ZNF260: variants seen among roughly 807,000 people sequenced by gnomAD.
ZNF260 encodes zinc finger protein 260, also known as zfp-260.
ZNF260 carries 21 observed loss-of-function variants against 29.3 expected under a neutral mutation model. That is an observed-to-expected ratio of 0.72 (90% confidence interval 0.51 to 1.03). ZNF260 has a LOEUF of 1.03. ZNF260 is among the 50% of genes least tolerant of loss of function. The pLI is 0.00. For missense variants in ZNF260, 465 were observed against 487.8 expected, an observed-to-expected ratio of 0.95 and a Z score of 0.44; for synonymous variants, 156 against 156.8, an observed-to-expected ratio of 0.99 and a Z score of 0.04.
intron 2 of ZNF260, among the ~76,000 whole-genome samples, chr19:36,524,517 G>GTTTTTTTTATTTTTTTTTTTTTTTTTTT (rs2034697984): frequency 1.1e-5 from 1 of 90,972 alleles, no homozygotes; most frequent in African/African-American, 4.0e-5. Context: ...TTACATGCTA[G>GTTTTTTTTATTTTTTTTTTTTTTTTTTT]TTTTTTTTTT....
intron 2 of ZNF260, among the ~76,000 whole-genome samples, chr19:36,519,350 T>C (rs1293543225): frequency 6.6e-6 from 1 of 152,200 alleles, no homozygotes. Flanking sequence ...TACAGTGTTA[T>C]AGTTACGTAA....
At chr19:36,524,436 C>T (rs1254843093) in intron 2 of ZNF260, among the ~76,000 whole-genome samples, 1 of 151,872 alleles carries the variant, frequency 6.6e-6, no homozygotes, top group Admixed American at 6.6e-5. Context: ...GCCTCGGCCT[C>T]CCAAAGTGCT....
Position 36,512,710 on chromosome 19 carries a change from T to A in ZNF260, c.*1290A>T, listed in dbSNP as rs552401399. 1 of 152,208 alleles carries A rather than the reference T, an allele frequency of 6.6e-6. No homozygotes were observed. Among genetic ancestry groups the A allele is most frequent in the Non-Finnish European group, 1.5e-5 (1 of 68,020 alleles). The allele number at this position is 152,208 out of a possible 1,614,324, so 9.4% of individuals were successfully genotyped here. A position where few individuals can be genotyped will look rare whatever the true frequency, so the allele number is the denominator to read the frequency against. ...TTTCTTCACTCTAATTTTTTAAAAA[T>A]ATTTCTGTTAATATATAGACTTAAT... On this transcript the variant is annotated 3_prime_UTR_variant, in exon 3 of 3. Coordinates refer to ENST00000523638, the MANE Select transcript of ZNF260 (RefSeq NM_001166037.2).
At chr19:36,524,975 C>G (rs1332356477) in intron 2 of ZNF260, 180 bp downstream of exon 2, 1 of 152,072 alleles carries the variant, frequency 6.6e-6, no homozygotes, top group Admixed American at 6.6e-5. Flanking sequence ...GGAAGACAGT[C>G]TGGAAATGTC....
At chr19:36,516,473 C>T (rs2034551774) in intron 2 of ZNF260, among the ~76,000 whole-genome samples, 1 of 152,146 alleles carries the variant, frequency 6.6e-6, no homozygotes, top group Non-Finnish European at 1.5e-5. Context: ...GCCTGTAGTC[C>T]TAGCTACTGA....
intron 2 of ZNF260, among the ~76,000 whole-genome samples, chr19:36,520,859 C>CAAA (rs35180207): frequency 0.011 from 742 of 65,882 alleles, 10 homozygotes; most frequent in South Asian, 0.034. Flanking sequence ...GATTCCGTCT[C>CAAA]AAAAAAAAAA....
At chr19:36,526,776 G>A (rs2034743106) in intron 1 of ZNF260, among the ~76,000 whole-genome samples, 1 of 152,100 alleles carries the variant, frequency 6.6e-6, no homozygotes, top group South Asian at 2.1e-4. Flanking sequence ...TGTTGAATCC[G>A]TGGAAGCAGA....
chr19:36,524,443 T>C (rs1467955780), intron 2 of ZNF260, among the ~76,000 whole-genome samples: 1 of 151,534 alleles, frequency 6.6e-6, no homozygotes, highest in Non-Finnish European at 1.5e-5. Context: ...CCTCCCAAAG[T>C]GCTGGGATTA....
intron 2 of ZNF260, among the ~76,000 whole-genome samples, chr19:36,521,707 T>C (rs542713610): frequency 2.0e-5 from 3 of 151,606 alleles, no homozygotes; most frequent in African/African-American, 7.3e-5. Context: ...TGAGCCAAGA[T>C]TGTGCCACTG....
intron 2 of ZNF260, among the ~76,000 whole-genome samples, chr19:36,519,921 C>T (rs8111881): frequency 0.2 from 29,829 of 151,642 alleles, 3,028 homozygotes; most frequent in Middle Eastern, 0.25. Context: ...AAAAACAGAC[C>T]GGGTGTGGTG....
intron 2 of ZNF260, among the ~76,000 whole-genome samples, chr19:36,524,176 TTTA>T (rs781098330): frequency 1.2e-4 from 18 of 151,976 alleles, no homozygotes; most frequent in Non-Finnish European, 2.5e-4. Flanking sequence ...ATTTATTTTA[TTTA>T]TTATTATTAT....
At chr19:36,523,663 C>T (rs1286112435) in intron 2 of ZNF260, among the ~76,000 whole-genome samples, 11 of 150,854 alleles carry the variant, frequency 7.3e-5, no homozygotes, top group Admixed American at 5.3e-4. Context: ...CTGCAACCTC[C>T]GCCTCCCAGG....
At position 36,515,266 on chromosome 19, in the gene ZNF260, C is replaced by T. The variant is rs1350024995; in HGVS notation, c.-28G>A. The T allele has an allele frequency of 6.6e-7, 1 of 1,509,694 alleles. No homozygotes were observed. Among genetic ancestry groups the T allele is most frequent in the East Asian group, 2.3e-5 (1 of 43,814 alleles). 93.5% of individuals were successfully genotyped at this position (1,509,694 alleles called of 1,614,324 possible). A position where few individuals can be genotyped will look rare whatever the true frequency, so the allele number is the denominator to read the frequency against. ...ATGTGAATTTAATCAGGAGATTTCC[C>T]TAGTATCAAATAAGATGTAATAAGG... is the stretch of plus-strand genomic sequence containing the variant. On this transcript the variant is annotated 5_prime_UTR_variant, in exon 3 of 3. Transcript: ENST00000523638.
rs1439235905 is a variant in ZNF260 at position 36,515,275 on chromosome 19, A to G, written c.-37T>C. On this transcript the variant is annotated 5_prime_UTR_variant, in exon 3 of 3. Transcript: ENST00000523638. ...TAATCAGGAGATTTCCCTAGTATCA[A>G]ATAAGATGTAATAAGGATGAAAGCT... is the stretch of plus-strand genomic sequence containing the variant. 1 of 1,478,426 alleles carries G rather than the reference A, an allele frequency of 6.8e-7. No homozygotes were observed. Among genetic ancestry groups the G allele is most frequent in the Non-Finnish European group, 9.0e-7 (1 of 1,111,972 alleles). The allele number at this position is 1,478,426 out of a possible 1,614,324, so 91.6% of individuals were successfully genotyped here. A position where few individuals can be genotyped will look rare whatever the true frequency, so the allele number is the denominator to read the frequency against.
rs1404066476 is a variant in ZNF260 at position 36,513,849 on chromosome 19, C to G, written c.*151G>C. ...TACGGGTTTTCTTTACACTATAATA[C>G]TTATTAAACATCATAGTATTTAAGT... On this transcript the variant is annotated 3_prime_UTR_variant, in exon 3 of 3. Coordinates refer to ENST00000523638, the MANE Select transcript of ZNF260 (RefSeq NM_001166037.2). The G allele has an allele frequency of 1.2e-6, 1 of 813,842 alleles. No homozygotes were observed. The highest frequency in any genetic ancestry group is 3.7e-4 in the Middle Eastern group (1 of 2,686). 50.4% of individuals were successfully genotyped at this position (813,842 alleles called of 1,614,324 possible).
intron 2 of ZNF260, among the ~76,000 whole-genome samples, chr19:36,523,511 C>G (rs1467589108): frequency 6.6e-6 from 1 of 151,654 alleles, no homozygotes; most frequent in East Asian, 1.9e-4. Context: ...AATGAAGAGA[C>G]ATACCTGATT....
At chr19:36,525,727 C>T (rs2034723292) in intron 1 of ZNF260, among the ~76,000 whole-genome samples, 1 of 150,990 alleles carries the variant, frequency 6.6e-6, no homozygotes, top group South Asian at 2.1e-4. Context: ...GCAGAGGTTG[C>T]ACTGAACCAA....
At chr19:36,521,994 A>C (rs539716228) in intron 2 of ZNF260, among the ~76,000 whole-genome samples, 2 of 151,702 alleles carry the variant, frequency 1.3e-5, no homozygotes, top group South Asian at 4.1e-4. Flanking sequence ...GCTTGCAGTG[A>C]GCCGAGATCG....
At chr19:36,520,071 C>T (rs1345471113) in intron 2 of ZNF260, among the ~76,000 whole-genome samples, 6 of 151,222 alleles carry the variant, frequency 4.0e-5, no homozygotes, top group Admixed American at 2.0e-4. Flanking sequence ...TGGTGGTGTG[C>T]GCCTGTAATC....
Sources: allele counts gnomAD v4.1 joint callset (sites outside exome capture counted in the v4.1 genomes callset), GRCh38; gene constraint gnomAD v4.1.1; transcripts MANE v1.5; gene names NCBI Gene and HGNC (gene_info 2026-07-23, HGNC 2026-07-21).